The following TSNARE1 variants were observed in gnomAD, a reference collection of about 807,000 sequenced individuals.
TSNARE1 encodes the protein t-SNARE domain-containing protein 1.
In TSNARE1, 49 loss-of-function variants were observed where a neutral mutation model predicts 62.0. That is an observed-to-expected ratio of 0.79 (90% CI 0.63 to 1.00). The LOEUF is 1.00. Ranked by LOEUF, TSNARE1 falls within the 50% of genes least tolerant of loss-of-function variation. The pLI, the probability that TSNARE1 is intolerant of heterozygous loss-of-function variation, is 0.00. For synonymous variants in TSNARE1, 328 were observed against 294.4 expected (o/e 1.11, Z -1.17); for missense variants, 755 against 700.1 (o/e 1.08, Z -0.88).
At chr8:142,309,158 T>C (rs538038806) in intron 9 of TSNARE1, among the ~76,000 whole-genome samples, 14 of 152,348 alleles carry the variant, frequency 9.2e-5, no homozygotes, top group African/African-American at 3.1e-4. Flanking sequence ...CATTCACTGA[T>C]GAATTCTGAC....
intron 12 of TSNARE1, among the ~76,000 whole-genome samples, chr8:142,237,503 C>T (rs921148797): frequency 6.6e-5 from 10 of 152,212 alleles, no homozygotes; most frequent in African/African-American, 2.4e-4. Flanking sequence ...CCCTGGCTCT[C>T]TCCACCGTGT....
chr8:142,272,987 G>A (rs1378421162), intron 12 of TSNARE1: 5 of 985,326 alleles, frequency 5.1e-6, no homozygotes, highest in Non-Finnish European at 6.0e-6. Flanking sequence ...GGACCCCCTC[G>A]GGAACAGGAG....
In TSNARE1 at chr8:142,345,856, TG is replaced by T; in HGVS notation, c.124del (p.His42IlefsTer99). 1 of 1,613,912 alleles carries T rather than the reference TG, an allele frequency of 6.2e-7. No homozygotes were observed. Among genetic ancestry groups the T allele is most frequent in the Non-Finnish European group, 8.5e-7 (1 of 1,179,896 alleles). ...ARCWTEYGIR[H>X]FPCPSPESKL... ...GCTCTCTGGCGACGGGCAGGGGAAA[TG>T]GCGGATTCCATACTCGGTCCAACAT... On this transcript the variant is annotated frameshift_variant, in exon 3 of 14. Coordinates refer to ENST00000524325, the MANE Select transcript of TSNARE1 (RefSeq NM_145003.5). LOFTEE classifies it high-confidence loss of function.
chr8:142,385,423 G>A (rs1325516874), intron 1 of TSNARE1, among the ~76,000 whole-genome samples: 1 of 152,224 alleles, frequency 6.6e-6, no homozygotes, highest in Non-Finnish European at 1.5e-5. Flanking sequence ...GACTGTCAAT[G>A]AGCATGAACT....
chr8:142,314,506 TG>T (rs1338235893), intron 8 of TSNARE1, 66 bp from the exon 9 acceptor site: 5 of 1,449,614 alleles, frequency 3.4e-6, no homozygotes, highest in Non-Finnish European at 4.8e-6. Context: ...GGAGAAGAAA[TG>T]GTCAGCTGAG....
intron 10 of TSNARE1, among the ~76,000 whole-genome samples, chr8:142,286,742 C>G (rs1563832706): frequency 6.6e-6 from 1 of 152,218 alleles, no homozygotes; most frequent in Non-Finnish European, 1.5e-5. Flanking sequence ...GGGTCCCCAC[C>G]TCCACGGGCT....
chr8:142,219,796 C>A (rs1052156299), intron 13 of TSNARE1, among the ~76,000 whole-genome samples: 23 of 152,348 alleles, frequency 1.5e-4, no homozygotes, highest in African/African-American at 5.5e-4. Context: ...CTCAGCCGTC[C>A]TTCTGGCTCC....
intron 12 of TSNARE1, among the ~76,000 whole-genome samples, chr8:142,246,375 C>A (rs1414117417): frequency 1.3e-5 from 2 of 152,174 alleles, no homozygotes; most frequent in Non-Finnish European, 2.9e-5. Context: ...CACAGGTCCT[C>A]CTGCTGCTGG....
chr8:142,274,823 C>A lies in TSNARE1; in HGVS notation c.1404G>T (p.Ala468=). 6.3e-7 allele frequency: 1 copy of A among 1,580,608 alleles called. No homozygotes were observed. The highest frequency in any genetic ancestry group is 1.2e-5 in the South Asian group (1 of 86,648). ...CAGCCAGGAGCTGGCGGGCTGCCTC[C>A]GCATGCGAGGACGCAGCCTCAAGGC... ...EASLEAASSH[A]EAARQLLAGA... Residue 468 remains alanine (A), a synonymous_variant, in exon 12 of 14, where the codon GCG becomes GCT. Transcript: ENST00000524325.
At chr8:142,340,317 G>A (rs946597757) in intron 4 of TSNARE1, among the ~76,000 whole-genome samples, 2 of 152,194 alleles carry the variant, frequency 1.3e-5, no homozygotes, top group Admixed American at 6.5e-5. Context: ...AGGAGGAAGC[G>A]GAGGCTCCAA....
rs537405919 is a variant in TSNARE1, at chr8:142,252,638, C to T, written c.1446+22143G>A. Among the ~76,000 whole-genome samples the T allele has an allele frequency of 2.6e-5, 4 of 152,366 alleles. No individual in the cohort carries two copies. In the South Asian group the frequency reaches 8.3e-4, roughly 32 times the overall value. The stretch of plus-strand genomic sequence containing the variant: ...TCACACAGCAAGCAAGTAACACAGC[C>T]AGGACCCAGGTCAGGGCACTTCCAA... On this transcript the variant is annotated intron_variant, in intron 12 of 13. Transcript: ENST00000524325.
intron 13 of TSNARE1, among the ~76,000 whole-genome samples, chr8:142,218,078 T>C (rs867594605): frequency 2.4e-4 from 14 of 58,864 alleles, no homozygotes; most frequent in Non-Finnish European, 3.5e-4. Context: ...AGGATCAGGG[T>C]TCAGAGAGTG....
At chr8:142,363,159 G>A (rs1835287089) in intron 1 of TSNARE1, among the ~76,000 whole-genome samples, 1 of 152,180 alleles carries the variant, frequency 6.6e-6, no homozygotes, top group African/African-American at 2.4e-5. Flanking sequence ...CTGTGCACTG[G>A]TATCTACTGG....
intron 1 of TSNARE1, among the ~76,000 whole-genome samples, chr8:142,390,054 T>C (rs927129195): frequency 6.6e-6 from 1 of 152,246 alleles, no homozygotes; most frequent in African/African-American, 2.4e-5. Context: ...TGCATATCTA[T>C]ACATATCTAA....
At chr8:142,312,487 G>A (rs1168433404) in intron 9 of TSNARE1, among the ~76,000 whole-genome samples, 1 of 152,114 alleles carries the variant, frequency 6.6e-6, no homozygotes, top group Admixed American at 6.5e-5. Flanking sequence ...GGTCAGGGCT[G>A]GTCTACTTCT....
chr8:142,219,971 G>C (rs1355590953), intron 13 of TSNARE1, among the ~76,000 whole-genome samples: 1 of 152,224 alleles, frequency 6.6e-6, no homozygotes, highest in Non-Finnish European at 1.5e-5. Flanking sequence ...GGAAAGGTGG[G>C]GTCAGGGGTC....
intron 12 of TSNARE1, among the ~76,000 whole-genome samples, chr8:142,253,069 G>A (rs945864213): frequency 6.6e-6 from 1 of 152,224 alleles, no homozygotes; most frequent in East Asian, 1.9e-4. Context: ...CAGACTGGAT[G>A]TGCCCACTCC....
intron 11 of TSNARE1, among the ~76,000 whole-genome samples, chr8:142,283,563 G>A (rs1396848433): frequency 7.9e-6 from 1 of 126,622 alleles, no homozygotes; most frequent in Non-Finnish European, 1.6e-5. Flanking sequence ...GAGCAGAGGC[G>A]GAGTTAGTGT....
intron 1 of TSNARE1, among the ~76,000 whole-genome samples, chr8:142,356,433 G>A (rs867539770): frequency 1.3e-5 from 2 of 152,202 alleles, no homozygotes; most frequent in African/African-American, 4.8e-5. Context: ...TGCCCCAGGG[G>A]AGAGTGGGCT....
Sources: allele counts gnomAD v4.1 joint callset (sites outside exome capture counted in the v4.1 genomes callset), GRCh38; gene constraint gnomAD v4.1.1; transcripts MANE v1.5; gene names NCBI Gene and HGNC (gene_info 2026-07-23, HGNC 2026-07-21).